DDX10: variants seen among roughly 807,000 people sequenced by gnomAD.
DDX10 encodes probable ATP-dependent RNA helicase DDX10.
In DDX10, 74 loss-of-function variants were observed where a neutral mutation model predicts 104.3. The ratio of observed to expected loss-of-function variants is 0.71; its 90% CI spans 0.59 to 0.86. The LOEUF (loss-of-function observed/expected upper bound fraction) is 0.86, where lower values mean the gene tolerates loss of function less well. Among genes scored for constraint, DDX10 ranks in the 40% least tolerant of loss-of-function variants. DDX10 has a pLI of 0.00. For missense variants in DDX10, 952 were observed against 1,040.0 expected (o/e 0.92, Z 1.16); for synonymous variants, 351 against 353.4 (o/e 0.99, Z 0.08).
intron 16 of DDX10, among the ~76,000 whole-genome samples, chr11:108,879,952 T>C (rs1166322598): frequency 6.6e-6 from 1 of 152,176 alleles, no homozygotes; most frequent in African/African-American, 2.4e-5. Context: ...TTAAAAAAAA[T>C]TGCTAGTAAC....
chr11:108,832,835 A>G (rs908769216), intron 13 of DDX10, among the ~76,000 whole-genome samples: 1 of 152,234 alleles, frequency 6.6e-6, no homozygotes. Context: ...ATGAATAGAT[A>G]TAATCAAGGC....
In DDX10 at chr11:108,704,027, T is replaced by G. The variant is rs149417834; in HGVS notation, c.1224-2712T>G. Among the ~76,000 whole-genome samples, 512 of 152,232 alleles carry G rather than the reference T, an allele frequency of 3.4e-3. 5 individuals carry two copies. Among genetic ancestry groups the G allele is most frequent in the African/African-American group, 0.012 (492 of 41,564 alleles). On this transcript the variant is annotated intron_variant, in intron 9 of 17. Transcript: ENST00000322536. ...CTATTTGTCTTAACCTTGTGTAGCC[T>G]TCTATATATATTCTGTTAGCTGTGG... is the stretch of plus-strand genomic sequence containing the variant.
rs148663948 is a variant in DDX10, at chr11:108,824,632, G to T, written c.1966-13814G>T. Among the ~76,000 whole-genome samples the T allele has an allele frequency of 7.8e-3, 1,193 of 152,134 alleles. 11 individuals are homozygous for T. Among genetic ancestry groups the T allele is most frequent in the South Asian group, 0.035 (169 of 4,820 alleles). ...GAGAGGGAAAAATGTATCAGGCACC[G>T]TTTCTCTAAATTGCTTCCAGCTGCT... On this transcript the variant is annotated intron_variant, in intron 13 of 17. Coordinates refer to ENST00000322536, the MANE Select transcript of DDX10 (RefSeq NM_004398.4).
At chr11:108,758,263 T>C (rs2094346880) in intron 13 of DDX10, among the ~76,000 whole-genome samples, 1 of 152,068 alleles carries the variant, frequency 6.6e-6, no homozygotes, top group Non-Finnish European at 1.5e-5. Flanking sequence ...CAAATGCTTA[T>C]ATTATTTATT....
chr11:108,894,189 A>G (rs1863412152), intron 16 of DDX10, among the ~76,000 whole-genome samples: 5 of 152,062 alleles, frequency 3.3e-5, no homozygotes, highest in Admixed American at 3.3e-4. Flanking sequence ...TACACTTTGC[A>G]TGTTTTAGCA....
At chr11:108,776,582 A>G (rs185614572) in intron 13 of DDX10, among the ~76,000 whole-genome samples, 1 of 152,278 alleles carries the variant, frequency 6.6e-6, no homozygotes, top group Admixed American at 6.5e-5. Context: ...TGGCACCAAT[A>G]AATATAATAT....
intron 16 of DDX10, among the ~76,000 whole-genome samples, chr11:108,896,063 T>C (rs1463167722): frequency 1.3e-5 from 2 of 152,146 alleles, no homozygotes; most frequent in African/African-American, 2.4e-5. Flanking sequence ...AACTTTAAGA[T>C]GCAAATTAAT....
At chr11:108,895,426 T>C (rs573677992) in intron 16 of DDX10, among the ~76,000 whole-genome samples, 47 of 152,142 alleles carry the variant, frequency 3.1e-4, no homozygotes, top group Non-Finnish European at 8.8e-5. Flanking sequence ...TCCTAGCAGG[T>C]ATTAAGGATT....
chr11:108,762,847 T>C (rs924680084), intron 13 of DDX10, among the ~76,000 whole-genome samples: 1 of 152,204 alleles, frequency 6.6e-6, no homozygotes, highest in African/African-American at 2.4e-5. Flanking sequence ...CCTTTCCTTC[T>C]TTCCTTTCTC....
chr11:108,734,839 A>G (rs543202765), intron 13 of DDX10, among the ~76,000 whole-genome samples: 1 of 152,310 alleles, frequency 6.6e-6, no homozygotes, highest in Admixed American at 6.5e-5. Flanking sequence ...AGAAATAAGG[A>G]GTTTTCAAAT....
intron 13 of DDX10, among the ~76,000 whole-genome samples, chr11:108,741,681 A>C (rs1283687548): frequency 6.6e-6 from 1 of 152,192 alleles, no homozygotes; most frequent in Non-Finnish European, 1.5e-5. Flanking sequence ...GAAGTTTATC[A>C]GATCAAGGAG....
At chr11:108,789,309 C>T (rs896096833) in intron 13 of DDX10, among the ~76,000 whole-genome samples, 3 of 152,044 alleles carry the variant, frequency 2.0e-5, no homozygotes, top group African/African-American at 4.8e-5. Context: ...TAGGAGATGT[C>T]GTCACCTATT....
chr11:108,843,585 C>G (rs888555847), intron 15 of DDX10, among the ~76,000 whole-genome samples: 3 of 151,728 alleles, frequency 2.0e-5, no homozygotes, highest in Admixed American at 6.6e-5. Flanking sequence ...TAGTGAAACC[C>G]CATCTACTAA....
At chr11:108,680,563 A>C (rs2094233469) in intron 6 of DDX10, among the ~76,000 whole-genome samples, 1 of 152,246 alleles carries the variant, frequency 6.6e-6, no homozygotes, top group South Asian at 2.1e-4. Flanking sequence ...TTAGAAGCAT[A>C]TATATTTGGT....
intron 13 of DDX10, among the ~76,000 whole-genome samples, chr11:108,739,351 C>G (rs531561572): frequency 4.6e-5 from 7 of 152,182 alleles, no homozygotes; most frequent in African/African-American, 1.7e-4. Flanking sequence ...TGATAAGACC[C>G]TAAATTAGTG....
intron 13 of DDX10, among the ~76,000 whole-genome samples, chr11:108,748,912 G>A (rs2094335023): frequency 1.3e-5 from 2 of 151,760 alleles, no homozygotes; most frequent in Admixed American, 1.3e-4. Context: ...TAATCCTCCT[G>A]CCTTGGCCTC....
intron 13 of DDX10, among the ~76,000 whole-genome samples, chr11:108,742,704 A>G (rs2094326769): frequency 6.6e-6 from 1 of 152,216 alleles, no homozygotes; most frequent in Non-Finnish European, 1.5e-5. Flanking sequence ...CAGAAATGAC[A>G]GAACATTACC....
In DDX10 at chr11:108,679,451, C is replaced by G. The variant is rs369919677; in HGVS notation, c.739C>G (p.Arg247Gly). The change falls in exon 6 of 18, where the codon CGT becomes GGT. Residue 247 changes from arginine (R) to glycine (G), a missense_variant. Coordinates refer to ENST00000322536, the MANE Select transcript of DDX10 (RefSeq NM_004398.4). ...NAVIENLPKK[R>G]QTLLFSATQT... Reference sequence around the variant, plus strand: ...TGTTATTGAAAATCTCCCCAAGAAACGTCAGACTTTACTTTTCTCAGCAAC... The same window carrying G: ...TGTTATTGAAAATCTCCCCAAGAAAGGTCAGACTTTACTTTTCTCAGCAAC... 4 of 1,613,584 alleles carry G rather than the reference C, an allele frequency of 2.5e-6. No individual in the cohort carries two copies. Among genetic ancestry groups the G allele is most frequent in the Non-Finnish European group, 2.5e-6 (3 of 1,179,886 alleles).
At chr11:108,776,795 A>G (rs756529912) in intron 13 of DDX10, among the ~76,000 whole-genome samples, 1 of 152,206 alleles carries the variant, frequency 6.6e-6, no homozygotes, top group Non-Finnish European at 1.5e-5. Context: ...AAGGTGGTCT[A>G]AAGAAACTGA....
Sources: allele counts gnomAD v4.1 joint callset (sites outside exome capture counted in the v4.1 genomes callset), GRCh38; gene constraint gnomAD v4.1.1; transcripts MANE v1.5; gene names NCBI Gene and HGNC (gene_info 2026-07-23, HGNC 2026-07-21).